TBC1D12: variants seen among roughly 807,000 people sequenced by gnomAD.
TBC1D12 encodes the protein TBC1 domain family, member 12.
TBC1D12 carries 56 observed loss-of-function variants against 86.7 expected under a neutral mutation model. The ratio of observed to expected loss-of-function variants is 0.65; its 90% confidence interval spans 0.52 to 0.81. The LOEUF is 0.81. TBC1D12 is among the 30% of genes least tolerant of loss of function. The pLI is 0.00. For missense variants in TBC1D12, 1,023 were observed against 1,038.8 expected (o/e 0.98, Z 0.21); for synonymous variants, 421 against 411.7 (o/e 1.02, Z -0.27).
chr10:94,528,026 T>TC (rs1842339929), intron 11 of TBC1D12, among the ~76,000 whole-genome samples: 2 of 152,120 alleles, frequency 1.3e-5, no homozygotes, highest in African/African-American at 4.8e-5. Context: ...AGCTTTTTTT[T>TC]TTCTTCTTTT....
rs769449302 is a variant in TBC1D12, at chr10:94,531,419, G to A, written c.2218G>A (p.Ala740Thr). The change falls in exon 12 of 13, where the codon GCA becomes ACA. Residue 740 changes from alanine to threonine, a missense_variant. Coordinates refer to ENST00000225235, the MANE Select transcript of TBC1D12 (RefSeq NM_015188.2). The stretch of plus-strand genomic sequence containing the variant: ...ATCGGAAAAGCTGTTCAGTTGTATT[G>A]CAGCCATTCAGATGCAGAATAGCAC... ...ITSEKLFSCI[A>T]AIQMQNSTKK... 2 of 1,614,008 alleles carry A rather than the reference G, an allele frequency of 1.2e-6. No homozygotes were observed. Among genetic ancestry groups the A allele is most frequent in the Admixed American group, 3.3e-5 (2 of 60,014 alleles).
chr10:94,421,907 C>A (rs2055079088), intron 1 of TBC1D12, among the ~76,000 whole-genome samples: 3 of 152,108 alleles, frequency 2.0e-5, no homozygotes, highest in African/African-American at 7.2e-5. Flanking sequence ...TATTTGAGTT[C>A]TTTACCTATT....
intron 1 of TBC1D12, among the ~76,000 whole-genome samples, chr10:94,420,631 T>G (rs2055060674): frequency 6.6e-6 from 1 of 152,246 alleles, no homozygotes; most frequent in Non-Finnish European, 1.5e-5. Flanking sequence ...TCACCGTTTA[T>G]GTCTGGCTTC....
intron 4 of TBC1D12, among the ~76,000 whole-genome samples, chr10:94,496,267 T>G (rs368391004): frequency 2.0e-4 from 31 of 152,120 alleles, no homozygotes; most frequent in African/African-American, 7.0e-4. Context: ...TATGACTCAC[T>G]TTCGTCTGTA....
chr10:94,486,385 A>G (rs1341198550), intron 3 of TBC1D12, among the ~76,000 whole-genome samples: 1 of 148,962 alleles, frequency 6.7e-6, no homozygotes, highest in Non-Finnish European at 1.5e-5. Context: ...CTTAAGATGC[A>G]TTTTTAGGTT....
At chr10:94,472,038 G>C (rs1358475817) in intron 2 of TBC1D12, among the ~76,000 whole-genome samples, 1 of 151,966 alleles carries the variant, frequency 6.6e-6, no homozygotes, top group Non-Finnish European at 1.5e-5. Flanking sequence ...AAGTGGATTG[G>C]GGATTCAGGC....
chr10:94,457,742 A>G (rs1031513271), intron 2 of TBC1D12, among the ~76,000 whole-genome samples: 2 of 152,148 alleles, frequency 1.3e-5, no homozygotes, highest in Admixed American at 1.3e-4. Context: ...GTTTTAATTG[A>G]ACATCTTATA....
In TBC1D12 at chr10:94,489,976, G is replaced by A. The variant is rs926446992; in HGVS notation, c.1212-3389G>A. Among the ~76,000 whole-genome samples, 56 of 152,130 alleles carry A rather than the reference G, an allele frequency of 3.7e-4. 1 individual carries two copies. The highest frequency in any genetic ancestry group is 1.2e-3 in the African/African-American group (49 of 41,420). Reference sequence around the variant, plus strand: ...AATATTGCAAGAATTGGCTGGGTGCGGTGGCTCACCCCTGTAATCCCAGAA... The same window carrying A: ...AATATTGCAAGAATTGGCTGGGTGCAGTGGCTCACCCCTGTAATCCCAGAA... On this transcript the variant is annotated intron_variant, in intron 3 of 12. Coordinates refer to ENST00000225235, the MANE Select transcript of TBC1D12 (RefSeq NM_015188.2).
chr10:94,465,733 T>C (rs1340983118), intron 2 of TBC1D12, among the ~76,000 whole-genome samples: 5 of 149,370 alleles, frequency 3.3e-5, no homozygotes, highest in African/African-American at 1.2e-4. Context: ...CATACATACA[T>C]ACGTATACAT....
chr10:94,497,077 A>G lies in TBC1D12; in HGVS notation c.1317A>G (p.Arg439=). 3 of 1,568,826 alleles carry G rather than the reference A, an allele frequency of 1.9e-6. No individual in the cohort carries two copies. The highest frequency in any genetic ancestry group is 1.7e-6 in the Non-Finnish European group (2 of 1,164,260). The change falls in exon 5 of 13, where the codon AGA becomes AGG. Residue 439 remains arginine, a synonymous_variant. Transcript: ENST00000225235. ...KKREIKEAHK[R]KRIMKERFKQ... The stretch of plus-strand genomic sequence containing the variant: ...CAGAAATTAAGGAAGCACATAAAAG[A>G]AAAAGAATCATGAAAGAACGATTTA...
chr10:94,531,268 C>T lies in TBC1D12; in HGVS notation c.2067C>T (p.Cys689=). The T allele has an allele frequency of 6.2e-7, 1 of 1,613,900 alleles. No individual in the cohort carries two copies. Among genetic ancestry groups the T allele is most frequent in the Non-Finnish European group, 8.5e-7 (1 of 1,179,920 alleles). The change falls in exon 12 of 13, where the codon TGC becomes TGT. Residue 689 remains cysteine (C), a synonymous_variant. Transcript: ENST00000225235. The part of the protein sequence containing the change: ...DLACRVWDVF[C]RDGEEFLFRT... ...CCTGTCGAGTCTGGGATGTATTTTG[C>T]AGAGATGGGGAAGAATTTTTATTTA...
chr10:94,425,830 G>T (rs1383919664), intron 1 of TBC1D12, among the ~76,000 whole-genome samples: 1 of 151,934 alleles, frequency 6.6e-6, no homozygotes, highest in Admixed American at 6.6e-5. Context: ...ATTTATTTGG[G>T]TCATTTTTTA....
chr10:94,507,396 C>T, intron 7 of TBC1D12, 49 bp downstream of exon 7: 1 of 1,474,196 alleles, frequency 6.8e-7, no homozygotes, highest in Non-Finnish European at 9.3e-7. Context: ...AATTCAGATA[C>T]TGAGCATGTA....
At chr10:94,433,066 A>G (rs1383025175) in intron 1 of TBC1D12, among the ~76,000 whole-genome samples, 1 of 152,002 alleles carries the variant, frequency 6.6e-6, no homozygotes. Flanking sequence ...CTAGCCATGG[A>G]TGGTGGTGTG....
chr10:94,404,035 AAGAG>A (rs2054815805), intron 1 of TBC1D12, among the ~76,000 whole-genome samples: 1 of 152,128 alleles, frequency 6.6e-6, no homozygotes, highest in Admixed American at 6.5e-5. Context: ...GTGGTTGTGA[AAGAG>A]AGAAGGAAGT....
At chr10:94,447,464 C>T (rs1012055177) in intron 2 of TBC1D12, among the ~76,000 whole-genome samples, 1 of 152,060 alleles carries the variant, frequency 6.6e-6, no homozygotes, top group Non-Finnish European at 1.5e-5. Context: ...ACTTTTATTA[C>T]AAGTCTAATC....
intron 1 of TBC1D12, among the ~76,000 whole-genome samples, chr10:94,429,558 T>C (rs2134072643): frequency 6.6e-6 from 1 of 152,328 alleles, no homozygotes; most frequent in East Asian, 1.9e-4. Flanking sequence ...TTCTTTGAAT[T>C]AATTATGTAG....
At chr10:94,403,656 C>CGGAGCA in intron 1 of TBC1D12, 72 bp downstream of exon 1, 1 of 1,274,282 alleles carries the variant, frequency 7.8e-7, no homozygotes, top group Non-Finnish European at 9.8e-7. Context: ...TGGTGGGAGT[C>CGGAGCA]GGAGCCGGAG....
At chr10:94,427,953 CACTTGG>C (rs977705732) in intron 1 of TBC1D12, among the ~76,000 whole-genome samples, 14 of 150,728 alleles carry the variant, frequency 9.3e-5, no homozygotes, top group African/African-American at 3.2e-4. Flanking sequence ...AACATGAGTA[CACTTGG>C]ACTGTATTCT....
Sources: gnomAD v4.1 joint callset for allele counts (sites outside exome capture counted in the v4.1 genomes callset) on GRCh38, gnomAD v4.1.1 for gene constraint, MANE v1.5 for transcripts, NCBI Gene and HGNC (gene_info 2026-07-23, HGNC 2026-07-21) for gene names.